Variants in TENM3 observed in about 807,000 individuals in gnomAD.
TENM3 encodes the protein teneurin transmembrane protein 3, also known as teneurin-3.
In TENM3, 63 loss-of-function variants were observed where a neutral mutation model predicts 255.1. That is an observed-to-expected ratio of 0.25 (90% CI 0.20 to 0.30). The LOEUF is 0.30. Among genes scored for constraint, TENM3 ranks in the 10% least tolerant of loss-of-function variants. TENM3 has a pLI of 1.00. For synonymous variants in TENM3, 1,306 were observed against 1,322.3 expected (o/e 0.99, Z 0.27); for missense variants, 2,929 against 3,461.1 (o/e 0.85, Z 3.86).
chr4:182,504,678 G>A (rs767644123), intron 3 of TENM3, among the ~76,000 whole-genome samples: 23 of 152,164 alleles, frequency 1.5e-4, no homozygotes, highest in Non-Finnish European at 3.1e-4. Context: ...TACATATGGC[G>A]TTCGTAATTT....
At chr4:182,713,961 A>T in intron 12 of TENM3, 126 bp from the exon 13 acceptor site, 1 of 709,104 alleles carries the variant, frequency 1.4e-6, no homozygotes, top group Non-Finnish European at 2.4e-6. Flanking sequence ...GTTTCTATCC[A>T]TGTGCAATTA....
chr4:182,555,158 G>T (rs1287246109), intron 3 of TENM3, among the ~76,000 whole-genome samples: 2 of 152,106 alleles, frequency 1.3e-5, no homozygotes, highest in Admixed American at 6.5e-5. Context: ...CATTCTAATA[G>T]AATTAGTCTA....
intron 2 of TENM3, among the ~76,000 whole-genome samples, chr4:182,327,206 T>G (rs1052861904): frequency 1.7e-4 from 26 of 152,182 alleles, no homozygotes; most frequent in African/African-American, 6.0e-4. Flanking sequence ...AAAATGTGCT[T>G]CCTGCCACAG....
intron 1 of TENM3, among the ~76,000 whole-genome samples, chr4:182,220,122 A>G (rs1166285639): frequency 6.6e-6 from 1 of 152,114 alleles, no homozygotes; most frequent in Admixed American, 6.5e-5. Flanking sequence ...GATGCCCGAA[A>G]TCCCAGCACT....
At chr4:181,654,754 C>CAAAAA in the TENM3 span, among the ~76,000 whole-genome samples, 3 of 92,976 alleles carry the variant, frequency 3.2e-5, no homozygotes, top group African/African-American at 4.5e-5. Context: ...AACTCCATCT[C>CAAAAA]AAAAAAAAAA....
chr4:182,440,179 C>A (rs1580546217), intron 3 of TENM3, among the ~76,000 whole-genome samples: 1 of 140,366 alleles, frequency 7.1e-6, no homozygotes, highest in South Asian at 2.2e-4. Context: ...GCCGTGCGAT[C>A]TCGGCTCACT....
the TENM3 span, among the ~76,000 whole-genome samples, chr4:181,968,104 A>G: frequency 6.6e-6 from 1 of 152,160 alleles, no homozygotes; most frequent in Non-Finnish European, 1.5e-5. Context: ...AGAAGCCCAG[A>G]TTGGGTCCCC....
the TENM3 span, among the ~76,000 whole-genome samples, chr4:181,492,439 A>G: frequency 1.1e-4 from 16 of 152,216 alleles, no homozygotes; most frequent in Non-Finnish European, 1.2e-4. Context: ...AAATATATTA[A>G]TTATTTCAGT....
chr4:182,185,494 A>T (rs1753094569), intron 1 of TENM3, among the ~76,000 whole-genome samples: 9 of 152,258 alleles, frequency 5.9e-5, no homozygotes, highest in Admixed American at 5.9e-4. Flanking sequence ...AGAACTAAAA[A>T]AGAAAAAAAA....
the TENM3 span, among the ~76,000 whole-genome samples, chr4:181,832,331 G>A: frequency 6.6e-6 from 1 of 152,178 alleles, no homozygotes. Context: ...ACTTCAGCGT[G>A]TGTTAATAAG....
the TENM3 span, among the ~76,000 whole-genome samples, chr4:181,712,475 C>T: frequency 3.3e-5 from 5 of 152,282 alleles, no homozygotes; most frequent in Admixed American, 6.5e-5. Context: ...CCTGAGGGCT[C>T]CCCAGAAGCA....
the TENM3 span, among the ~76,000 whole-genome samples, chr4:181,452,193 C>G: frequency 6.6e-6 from 1 of 152,088 alleles, no homozygotes; most frequent in Non-Finnish European, 1.5e-5. Flanking sequence ...GATGGTTGTT[C>G]TATGGATGAT....
the TENM3 span, among the ~76,000 whole-genome samples, chr4:181,873,335 C>T: frequency 6.6e-6 from 1 of 152,206 alleles, no homozygotes; most frequent in African/African-American, 2.4e-5. Flanking sequence ...TCCCAGAGTG[C>T]TGGGGTAACA....
Position 182,270,268 on chromosome 4 carries a change from A to T in TENM3, c.-76+26792A>T, listed in dbSNP as rs571329355. 1.8e-4 allele frequency among the ~76,000 whole-genome samples: 28 copies of T among 152,292 alleles called. 1 individual carries two copies. The highest frequency in any genetic ancestry group is 1.7e-3 in the Admixed American group (26 of 15,290). Reference sequence around the variant, plus strand: ...CTGTATTAATGGAAATTCTCTGTAGATGCTAATTCCCCCCATGAAAGATGG... The same window carrying T: ...CTGTATTAATGGAAATTCTCTGTAGTTGCTAATTCCCCCCATGAAAGATGG... On this transcript the variant is annotated intron_variant, in intron 1 of 27. Transcript: ENST00000511685.
chr4:182,617,939 G>A (rs1252409488), intron 4 of TENM3, among the ~76,000 whole-genome samples: 1 of 152,142 alleles, frequency 6.6e-6, no homozygotes, highest in Non-Finnish European at 1.5e-5. Context: ...TTTTCCAGGT[G>A]TCTGTATGTC....
intron 24 of TENM3, among the ~76,000 whole-genome samples, chr4:182,784,758 G>C (rs1480158810): frequency 5.3e-5 from 8 of 151,942 alleles, no homozygotes; most frequent in Admixed American, 1.3e-4. Context: ...ATCTCCTGGT[G>C]TGCCGTTTTT....
At chr4:182,784,360 C>G (rs1050979399) in intron 24 of TENM3, among the ~76,000 whole-genome samples, 1 of 152,100 alleles carries the variant, frequency 6.6e-6, no homozygotes, top group African/African-American at 2.4e-5. Context: ...CCCAGTTAGG[C>G]TGCTCAGGGG....
the TENM3 span, among the ~76,000 whole-genome samples, chr4:181,819,271 C>A: frequency 1.3e-5 from 2 of 152,042 alleles, no homozygotes. Context: ...CCCAATCGGC[C>A]TAGTCCCACC....
the TENM3 span, among the ~76,000 whole-genome samples, chr4:181,849,682 T>TC: frequency 6.6e-6 from 1 of 152,144 alleles, no homozygotes. Context: ...ATGTTGAGTT[T>TC]CCCCCACGTC....
Sources: allele counts gnomAD v4.1 joint callset (sites outside exome capture counted in the v4.1 genomes callset), GRCh38; gene constraint gnomAD v4.1.1; transcripts MANE v1.5; gene names NCBI Gene and HGNC (gene_info 2026-07-23, HGNC 2026-07-21).